TBC1D14: variants seen among roughly 807,000 people sequenced by gnomAD.
TBC1D14 encodes the protein TBC1 domain family member 14.
A neutral mutation model predicts 79.0 loss-of-function variants in TBC1D14; 26 were observed. The observed-to-expected ratio is 0.33, with a 90% CI of 0.24 to 0.46. TBC1D14 has a LOEUF of 0.46. Ranked by LOEUF, TBC1D14 falls within the 20% of genes least tolerant of loss-of-function variation. The pLI is 1.00. For synonymous variants in TBC1D14, 394 were observed against 349.9 expected (o/e 1.13, Z -1.40); for missense variants, 769 against 887.6 (o/e 0.87, Z 1.70).
At chr4:7,028,936 C>T (rs1334604736) in intron 13 of TBC1D14, among the ~76,000 whole-genome samples, 5 of 152,094 alleles carry the variant, frequency 3.3e-5, no homozygotes, top group Admixed American at 2.6e-4. Flanking sequence ...CTCCGGGGCT[C>T]AAGCAATTCT....
At chr4:6,975,544 C>T (rs1480522890) in intron 3 of TBC1D14, among the ~76,000 whole-genome samples, 4 of 152,022 alleles carry the variant, frequency 2.6e-5, no homozygotes, top group Admixed American at 6.6e-5. Flanking sequence ...ACACCACTGC[C>T]GAGATAACAC....
At chr4:6,921,117 T>C (rs1208838501) in intron 1 of TBC1D14, among the ~76,000 whole-genome samples, 1 of 152,218 alleles carries the variant, frequency 6.6e-6, no homozygotes, top group African/African-American at 2.4e-5. Flanking sequence ...TTGATGCCAG[T>C]GTTCTCAGTG....
intron 2 of TBC1D14, chr4:6,954,434 G>T: frequency 1.4e-6 from 1 of 715,016 alleles, no homozygotes; most frequent in Non-Finnish European, 2.6e-6. Context: ...GCATGTGACC[G>T]TCGGCCTTGG....
chr4:6,987,565 G>A, intron 3 of TBC1D14: 1 of 408,974 alleles, frequency 2.4e-6, no homozygotes, highest in South Asian at 1.1e-4. Context: ...CTCCTCCCTG[G>A]TACTCTTTGT....
chr4:6,931,120 C>G (rs996209157), intron 2 of TBC1D14, among the ~76,000 whole-genome samples: 1 of 152,078 alleles, frequency 6.6e-6, no homozygotes, highest in African/African-American at 2.4e-5. Context: ...AGGCTGGTCT[C>G]GAACTTCTGA....
At chr4:6,980,609 ACT>A (rs1261453744) in intron 3 of TBC1D14, among the ~76,000 whole-genome samples, 1 of 152,214 alleles carries the variant, frequency 6.6e-6, no homozygotes, top group Non-Finnish European at 1.5e-5. Context: ...AATTGATTAA[ACT>A]CTAGCAAAAC....
At chr4:7,010,179 AT>A (rs1394877764) in intron 10 of TBC1D14, among the ~76,000 whole-genome samples, 2 of 152,296 alleles carry the variant, frequency 1.3e-5, no homozygotes, top group East Asian at 3.9e-4. Flanking sequence ...TGCAATTTTC[AT>A]TTTTGGCATG....
At chr4:7,018,454 T>G (rs1393568802) in intron 12 of TBC1D14, among the ~76,000 whole-genome samples, 3 of 152,196 alleles carry the variant, frequency 2.0e-5, no homozygotes, top group Non-Finnish European at 4.4e-5. Context: ...CCACCCACTC[T>G]CTGAGGGTCC....
rs567923227 is a variant in TBC1D14, at chr4:6,921,315, C to T, written c.-17-2058C>T. On this transcript the variant is annotated intron_variant, in intron 1 of 13. Transcript: ENST00000409757. ...GACCTCCTGGGCGGGCTCAAGTGAT[C>T]CTCCCACCTCAGCCTTTCAAGTAGC... Among the ~76,000 whole-genome samples, 227 of 151,870 alleles carry T rather than the reference C, an allele frequency of 1.5e-3. 2 individuals carry two copies. Among genetic ancestry groups the T allele is most frequent in the Middle Eastern group, 3.4e-3 (1 of 294 alleles).
At chr4:7,021,212 C>G (rs1721797139) in intron 12 of TBC1D14, among the ~76,000 whole-genome samples, 1 of 152,210 alleles carries the variant, frequency 6.6e-6, no homozygotes, top group South Asian at 2.1e-4. Context: ...CCCCTTTCCT[C>G]CCTCACGTAT....
At chr4:7,019,268 A>T (rs1328499196) in intron 12 of TBC1D14, among the ~76,000 whole-genome samples, 2 of 152,116 alleles carry the variant, frequency 1.3e-5, no homozygotes, top group Non-Finnish European at 2.9e-5. Flanking sequence ...GATCCTCCCA[A>T]CTAGGCCACC....
intron 3 of TBC1D14, among the ~76,000 whole-genome samples, chr4:6,977,550 G>A (rs1716867569): frequency 6.7e-6 from 1 of 149,560 alleles, no homozygotes; most frequent in Non-Finnish European, 1.5e-5. Flanking sequence ...CACCCCGTCT[G>A]GGAAGTGAGG....
intron 1 of TBC1D14, among the ~76,000 whole-genome samples, chr4:6,920,536 C>T (rs1723766523): frequency 6.6e-6 from 1 of 152,200 alleles, no homozygotes; most frequent in Admixed American, 6.5e-5. Context: ...CTTACAAAAG[C>T]TGACGCCCAA....
intron 6 of TBC1D14, 101 bp downstream of exon 6, chr4:6,999,303 G>A: frequency 9.6e-7 from 1 of 1,042,758 alleles, no homozygotes; most frequent in Non-Finnish European, 1.5e-6. Flanking sequence ...CACCCTGGAT[G>A]CAGCGAGTTG....
Position 7,031,445 on chromosome 4 carries a change from A to G in TBC1D14, c.*1053A>G, listed in dbSNP as rs377079761. The stretch of plus-strand genomic sequence containing the variant: ...ACGGAGGAGCGAGCAACACACGTCT[A>G]ACAGCCTAGACAATCTCGTCAGATG... On this transcript the variant is annotated 3_prime_UTR_variant, in exon 14 of 14. Transcript: ENST00000409757. 2.6e-5 allele frequency: 4 copies of G among 152,256 alleles called. No individual in the cohort carries two copies. The highest frequency in any genetic ancestry group is 9.6e-5 in the African/African-American group (4 of 41,460). The allele number at this position is 152,256 out of a possible 1,614,324, so 9.4% of individuals were successfully genotyped here.
intron 2 of TBC1D14, among the ~76,000 whole-genome samples, chr4:6,963,985 A>G (rs1018665594): frequency 6.6e-6 from 1 of 152,038 alleles, no homozygotes; most frequent in African/African-American, 2.4e-5. Context: ...TTTAGTAGAG[A>G]CAGGTTTCGC....
chr4:6,974,126 A>G (rs1043552641), intron 3 of TBC1D14, among the ~76,000 whole-genome samples: 4 of 152,070 alleles, frequency 2.6e-5, no homozygotes, highest in Admixed American at 1.3e-4. Flanking sequence ...GATTACAGAC[A>G]TGAGCCGCTG....
intron 1 of TBC1D14, among the ~76,000 whole-genome samples, chr4:6,914,953 C>T (rs960019652): frequency 3.9e-5 from 6 of 152,100 alleles, no homozygotes; most frequent in Non-Finnish European, 7.4e-5. Flanking sequence ...GCAGGAGAAT[C>T]GCTTGAACCC....
At chr4:6,967,502 A>G in intron 3 of TBC1D14, 78 bp downstream of exon 3, 1 of 1,538,492 alleles carries the variant, frequency 6.5e-7, no homozygotes, top group South Asian at 1.2e-5. Flanking sequence ...AAAAATGACC[A>G]TATTGAGTCT....
Sources: allele counts gnomAD v4.1 joint callset (sites outside exome capture counted in the v4.1 genomes callset), GRCh38; gene constraint gnomAD v4.1.1; transcripts MANE v1.5; gene names NCBI Gene and HGNC (gene_info 2026-07-23, HGNC 2026-07-21).